The following PPP2R2C variants were observed in gnomAD, a reference collection of about 807,000 sequenced individuals.
PPP2R2C encodes protein phosphatase 2 regulatory subunit Bgamma.
PPP2R2C carries 10 observed loss-of-function variants against 45.3 expected under a neutral mutation model. The observed-to-expected ratio is 0.22, with a 90% CI of 0.14 to 0.37. PPP2R2C has a LOEUF of 0.37. Among genes scored for constraint, PPP2R2C ranks in the 10% least tolerant of loss-of-function variants. PPP2R2C has a pLI of 1.00. For missense variants in PPP2R2C, 308 were observed against 619.7 expected, an observed-to-expected ratio of 0.50 and a Z score of 5.34; for synonymous variants, 257 against 245.4, an observed-to-expected ratio of 1.05 and a Z score of -0.44.
rs192282247 is a variant in PPP2R2C, at chr4:6,502,831, G to T, written c.49+32440C>A. On this transcript the variant is annotated intron_variant, in intron 2 of 9. Transcript: ENST00000506140. ...TTTCAGGCCTCCAGTCACTGGAGCC[G>T]AAAAACCTTGGAGATGTCCTGGATG... 1.3e-3 allele frequency among the ~76,000 whole-genome samples: 191 copies of T among 152,158 alleles called. 2 individuals carry two copies. The highest frequency in any genetic ancestry group is 0.011 in the Admixed American group (163 of 15,300).
rs73796211 is a variant in PPP2R2C, at chr4:6,465,411, C to T, written c.70+6749G>A. Among the ~76,000 whole-genome samples the T allele has an allele frequency of 2.0e-3, 310 of 152,242 alleles. 1 individual carries two copies. The highest frequency in any genetic ancestry group is 7.0e-3 in the African/African-American group (289 of 41,536). On this transcript the variant is annotated intron_variant, in intron 1 of 8. Coordinates refer to ENST00000382599, the MANE Select transcript of PPP2R2C (RefSeq NM_020416.4). The stretch of plus-strand genomic sequence containing the variant: ...TGCCCAATGGATGGCAGGCTCTCAC[C>T]ATTTCCACCAATCACGAAAGCCAAG...
chr4:6,538,310 C>T (rs1354585082), intron 1 of PPP2R2C, among the ~76,000 whole-genome samples: 2 of 152,162 alleles, frequency 1.3e-5, no homozygotes, highest in East Asian at 1.9e-4. Context: ...CCCCACCCCA[C>T]GGACGCTTCC....
chr4:6,348,743 G>A (rs1185719543), intron 5 of PPP2R2C: 1 of 963,648 alleles, frequency 1.0e-6, no homozygotes, highest in Non-Finnish European at 1.2e-6. Flanking sequence ...GAGAAACCCT[G>A]GAGCTTGAGG....
chr4:6,381,115 C>G lies in PPP2R2C; in HGVS notation c.71-21G>C, dbSNP rs867700745. On this transcript the variant is annotated intron_variant, in intron 1 of 8. Transcript: ENST00000382599. ...GTCAGCTGGGAGGGGAACAGCAAGA[C>G]GGGAAGGGGTGGCTGTCAGAACCCG... 13 of 1,559,578 alleles carry G rather than the reference C, an allele frequency of 8.3e-6. No homozygotes were observed. In the African/African-American group the frequency reaches 9.5e-5, roughly 11 times the overall value.
chr4:6,496,632 C>T lies in PPP2R2C; in HGVS notation c.49+38639G>A, dbSNP rs1252818499. ...ATCCCAACATTTTGAGAGGCTGAGG[C>T]GAGTGGATCACCTGAAGTCAGGAGT... On this transcript the variant is annotated intron_variant, in intron 2 of 9. Coordinates refer to the PPP2R2C transcript ENST00000506140. 8.5e-5 allele frequency among the ~76,000 whole-genome samples: 13 copies of T among 152,136 alleles called. No individual in the cohort carries two copies. In the East Asian group the frequency reaches 1.3e-3, roughly 16 times the overall value.
intron 2 of PPP2R2C, among the ~76,000 whole-genome samples, chr4:6,503,404 CA>C (rs1723122051): frequency 6.6e-6 from 1 of 152,202 alleles, no homozygotes; most frequent in South Asian, 2.1e-4. Context: ...GCCCATTGCC[CA>C]GTTGCCTCCC....
chr4:6,454,612 G>T (rs1322735869), intron 1 of PPP2R2C, among the ~76,000 whole-genome samples: 1 of 152,152 alleles, frequency 6.6e-6, no homozygotes, highest in Non-Finnish European at 1.5e-5. Context: ...AGAGCAGAAG[G>T]TTTGCCCAGC....
At chr4:6,533,395 TC>T (rs1467145147) in intron 2 of PPP2R2C, among the ~76,000 whole-genome samples, 1 of 151,436 alleles carries the variant, frequency 6.6e-6, no homozygotes, top group Non-Finnish European at 1.5e-5. Flanking sequence ...GAGAAGAGAG[TC>T]CCTTCTGTAA....
rs1721935224 is a variant in PPP2R2C, at chr4:6,472,161, T to A, written c.69A>T (p.Glu23Asp). The change falls in exon 1 of 9, where the codon GAA becomes GAT. Residue 23 changes from glutamate to aspartate, a missense_variant and splice_region_variant. By Grantham distance (45) the Glu-to-Asp change is conservative. Transcript: ENST00000382599. ...SFLRDHSYVT[E>D]ADIISTVEFN... ...GGTCTCAGACAACACGTACGTTACC[T>A]TCAGTCACATAGCTGTGGTCCCGCA... 6.2e-7 allele frequency: 1 copy of A among 1,613,360 alleles called. No homozygotes were observed. The highest frequency in any genetic ancestry group is 2.2e-5 in the East Asian group (1 of 44,834).
At chr4:6,412,078 G>T (rs1315648747) in intron 1 of PPP2R2C, among the ~76,000 whole-genome samples, 1 of 152,168 alleles carries the variant, frequency 6.6e-6, no homozygotes, top group African/African-American at 2.4e-5. Flanking sequence ...ACAGACCCTG[G>T]CCCCAAAAGG....
chr4:6,560,110 G>T (rs975305238), intron 1 of PPP2R2C, among the ~76,000 whole-genome samples: 6 of 152,222 alleles, frequency 3.9e-5, no homozygotes, highest in Non-Finnish European at 5.9e-5. Context: ...GCCCTTGAAG[G>T]CTATGCAGGC....
upstream of PPP2R2C, among the ~76,000 whole-genome samples, chr4:6,476,618 C>T (rs1052791803): frequency 1.3e-5 from 2 of 152,208 alleles, no homozygotes; most frequent in Non-Finnish European, 2.9e-5. Flanking sequence ...TTTATGCCGT[C>T]CAGGCTACAG....
intron 2 of PPP2R2C, among the ~76,000 whole-genome samples, chr4:6,479,367 G>A (rs529546473): frequency 5.9e-5 from 9 of 152,154 alleles, no homozygotes; most frequent in South Asian, 2.1e-4. Context: ...AAATAGTGCC[G>A]CAATGGATCT....
chr4:6,470,770 G>A (rs1023971462), intron 1 of PPP2R2C, among the ~76,000 whole-genome samples: 3 of 151,710 alleles, frequency 2.0e-5, no homozygotes, highest in South Asian at 2.1e-4. Context: ...CCAAAGCCGC[G>A]GCCGGGTCAG....
intron 1 of PPP2R2C, among the ~76,000 whole-genome samples, chr4:6,387,587 G>A (rs1293018130): frequency 6.6e-6 from 1 of 152,122 alleles, no homozygotes; most frequent in East Asian, 1.9e-4. Context: ...AAGCCGGGTG[G>A]ATCACCTGAG....
intron 1 of PPP2R2C, among the ~76,000 whole-genome samples, chr4:6,389,570 C>T (rs781175793): frequency 3.3e-5 from 5 of 152,142 alleles, no homozygotes; most frequent in Non-Finnish European, 7.3e-5. Context: ...GCTTGGCGAG[C>T]GAATTTACCC....
intron 2 of PPP2R2C, chr4:6,535,233 C>T: frequency 5.2e-6 from 8 of 1,534,144 alleles, no homozygotes; most frequent in Non-Finnish European, 7.0e-6. Context: ...CCCAAGCTCA[C>T]CGGCGCTGCT....
rs562526375 is a variant in PPP2R2C at position 6,397,374 on chromosome 4, G to C, written c.71-16280C>G. Among the ~76,000 whole-genome samples, 130 of 152,348 alleles carry C rather than the reference G, an allele frequency of 8.5e-4. 1 individual carries two copies. The highest frequency in any genetic ancestry group is 7.9e-4 in the Non-Finnish European group (54 of 68,024). The stretch of plus-strand genomic sequence containing the variant: ...GCCTCGGGGCCTGGCTTGATAAACA[G>C]AATATTGTTGCCTGGGAAGAAACAT... On this transcript the variant is annotated intron_variant, in intron 1 of 8. Coordinates refer to ENST00000382599, the MANE Select transcript of PPP2R2C (RefSeq NM_020416.4).
intron 2 of PPP2R2C, among the ~76,000 whole-genome samples, chr4:6,485,297 G>A (rs1011139335): frequency 1.3e-5 from 2 of 151,802 alleles, no homozygotes; most frequent in African/African-American, 4.8e-5. Context: ...TTGTTAGATT[G>A]AATTTGCTAA....
Sources: gnomAD v4.1 joint callset for allele counts (sites outside exome capture counted in the v4.1 genomes callset) on GRCh38, gnomAD v4.1.1 for gene constraint, MANE v1.5 for transcripts, NCBI Gene and HGNC (gene_info 2026-07-23, HGNC 2026-07-21) for gene names.